Variants in AIRE observed in about 807,000 individuals in gnomAD.
AIRE encodes the protein autoimmune regulator.
In AIRE, 52 loss-of-function variants were observed where a neutral mutation model predicts 62.1. The observed-to-expected ratio is 0.84, with a 90% confidence interval of 0.67 to 1.06. AIRE has a LOEUF of 1.06. Ranked by LOEUF, AIRE falls within the 50% of genes least tolerant of loss-of-function variation. The probability of loss-of-function intolerance (pLI) is 0.00; values close to 1 mark genes in which losing one functional copy is unlikely to be tolerated. For missense variants in AIRE, 774 were observed against 755.8 expected (o/e 1.02, Z -0.28); for synonymous variants, 342 against 321.6 (o/e 1.06, Z -0.68).
Position 44,296,384 on chromosome 21 carries a change from A to T in AIRE, c.1505A>T (p.Asp502Val), listed in dbSNP as rs1444691231. ...CCTCTTCTCTTTACTGGGTTCCAGGATGACACTGCCAGTCACGAGCCCGCT... is the reference window on the plus strand; with the variant it reads ...CCTCTTCTCTTTACTGGGTTCCAGGTTGACACTGCCAGTCACGAGCCCGCT... ...PARLAPGPAK[D>V]DTASHEPALH... The change falls in exon 13 of 14, where the codon GAT becomes GTT. Residue 502 changes from aspartate (D) to valine (V), a missense_variant and splice_region_variant. By Grantham distance (152) the Asp-to-Val change is radical (BLOSUM62 -3). Transcript: ENST00000291582. 5 of 1,611,984 alleles carry T rather than the reference A, an allele frequency of 3.1e-6. No individual in the cohort carries two copies. Among genetic ancestry groups the T allele is most frequent in the African/African-American group, 1.3e-5 (1 of 74,742 alleles).
chr21:44,291,209 A>C lies in AIRE; in HGVS notation c.994A>C (p.Ser332Arg), dbSNP rs766901260. 3.1e-6 allele frequency: 5 copies of C among 1,600,254 alleles called. No individual in the cohort carries two copies. The South Asian group carries it at 5.5e-5, about 18-fold the overall frequency. Residue 332 changes from serine to arginine, a missense_variant and splice_region_variant, in exon 8 of 14, where the codon AGT becomes CGT. This residue lies in a region of AIRE where 35 missense variants were observed against 63.7 expected (regional missense o/e 0.55). Transcript: ENST00000291582. ...CLSPPLREIPSGTWRCSSCLQ... is the reference protein window; with the variant it reads ...CLSPPLREIPRGTWRCSSCLQ... Reference sequence around the variant, plus strand: ...GTCCCCTCCGCTCCGGGAGATCCCCAGGTGAGCCTGCACCTCTGCCAGCGC... The same window carrying C: ...GTCCCCTCCGCTCCGGGAGATCCCCCGGTGAGCCTGCACCTCTGCCAGCGC...
chr21:44,293,647 G>A (rs2040568712), intron 10 of AIRE, 142 bp from the exon 11 acceptor site: 7 of 1,370,216 alleles, frequency 5.1e-6, no homozygotes, highest in Middle Eastern at 5.0e-4. Context: ...CAGCCTGCGT[G>A]GCACCGTGAG....
chr21:44,296,557 C>T (rs1206295769), intron 13 of AIRE, 112 bp downstream of exon 13: 15 of 1,063,818 alleles, frequency 1.4e-5, no homozygotes, highest in Admixed American at 5.5e-5. Flanking sequence ...GCTCTTGAGC[C>T]GTGGAAACTC....
rs780248375 is a variant in AIRE at position 44,297,665 on chromosome 21, G to C, written c.1576G>C (p.Asp526His). 6.2e-7 allele frequency: 1 copy of C among 1,612,128 alleles called. No individual in the cohort carries two copies. Among genetic ancestry groups the C allele is most frequent in the Non-Finnish European group, 8.5e-7 (1 of 1,179,748 alleles). ...TCACTCTGTCCCGCAGCACACCTTC[G>C]ATGGCATCCTGCAGTGGGCCATCCA... is the stretch of plus-strand genomic sequence containing the variant. ...LESLLSEHTF[D>H]GILQWAIQSM... The change falls in exon 14 of 14, where the codon GAT (aspartate) becomes CAT (histidine). Residue 526 changes from aspartate (D) to histidine (H), a missense_variant. Asp to His is a moderately conservative substitution (Grantham distance 81). Coordinates refer to ENST00000291582, the MANE Select transcript of AIRE (RefSeq NM_000383.4). This position sits in a 1 kb window ranked among gnomAD's most constrained non-coding sequence, Gnocchi z 4.8.
rs376060412 is a variant in AIRE at position 44,297,588 on chromosome 21, G to C, written c.1567-68G>C. 2.1e-6 allele frequency: 3 copies of C among 1,400,692 alleles called. No homozygotes were observed. The Admixed American group carries it at 5.1e-5, about 24-fold the overall frequency. 86.8% of individuals were successfully genotyped at this position (1,400,692 alleles called of 1,614,324 possible). A position where few individuals can be genotyped will look rare whatever the true frequency, so the allele number is the denominator to read the frequency against. On this transcript the variant is annotated intron_variant, in intron 13 of 13. Transcript: ENST00000291582. The surrounding 1 kb of genome is among the most constrained non-coding windows in gnomAD (Gnocchi z 4.8). Reference sequence around the variant, plus strand: ...AGGTTGGATGGTGACTTCTTGTAACGATGGCCATGATTCTGTGGCTGCGGC... The same window carrying C: ...AGGTTGGATGGTGACTTCTTGTAACCATGGCCATGATTCTGTGGCTGCGGC...
intron 9 of AIRE, 73 bp downstream of exon 9, chr21:44,292,474 A>G: frequency 1.0e-6 from 1 of 976,402 alleles, no homozygotes; most frequent in South Asian, 1.4e-5. Flanking sequence ...AGGCTGGGCC[A>G]CCCCCTCCTG....
intron 10 of AIRE, among the ~76,000 whole-genome samples, chr21:44,293,580 C>T (rs533467189): frequency 6.6e-6 from 1 of 152,248 alleles, no homozygotes; most frequent in Admixed American, 6.5e-5. Flanking sequence ...AGGCAGCAGC[C>T]TGAGGGTGCT....
chr21:44,293,057 G>T lies in AIRE; in HGVS notation c.1160G>T (p.Gly387Val), dbSNP rs1467200153. 2 of 1,612,342 alleles carry T rather than the reference G, an allele frequency of 1.2e-6. No homozygotes were observed. Among genetic ancestry groups the T allele is most frequent in the South Asian group, 1.1e-5 (1 of 91,078 alleles). ...VRGPPGEPLAGMDTTLVYKHL... is the reference protein window; with the variant it reads ...VRGPPGEPLAVMDTTLVYKHL... ...GGTCCACCTGGGGAACCCCTAGCCG[G>T]CATGGACACGACTCTTGTCTACAAG... The change falls in exon 10 of 14, where the codon GGC becomes GTC. Residue 387 changes from glycine to valine, a missense_variant. Around this residue, in one of 3 missense-constraint regions of AIRE, gnomAD observed 354 missense variants for 296.1 expected, o/e 1.20. Transcript: ENST00000291582.
In AIRE at chr21:44,293,902, C is replaced by A. The variant is rs759575621; in HGVS notation, c.1392C>A (p.Ser464=). 1.9e-6 allele frequency: 3 copies of A among 1,596,562 alleles called. No individual in the cohort carries two copies. The African/African-American group carries it at 4.0e-5, about 21-fold the overall frequency. Residue 464 remains serine (S), a synonymous_variant, in exon 11 of 14, where the codon TCC becomes TCA. Coordinates refer to ENST00000291582, the MANE Select transcript of AIRE (RefSeq NM_000383.4). The part of the protein sequence containing the change: ...HWRCHFPAGT[S]RPGTGLRCRS... Reference sequence around the variant, plus strand: ...GCTGCCACTTCCCAGCCGGCACCTCCCGGCCCGGGTGAGTGAGCGTGGTCG... The same window carrying A: ...GCTGCCACTTCCCAGCCGGCACCTCACGGCCCGGGTGAGTGAGCGTGGTCG...
At chr21:44,291,837 C>T (rs183262838) in intron 8 of AIRE, among the ~76,000 whole-genome samples, 2 of 152,202 alleles carry the variant, frequency 1.3e-5, no homozygotes, top group Admixed American at 6.5e-5. Flanking sequence ...ATCAGGCCCC[C>T]TCTCAGCCTT....
rs2040496230 is a variant in AIRE at position 44,287,588 on chromosome 21, A to G, written c.535A>G (p.Asn179Asp). Residue 179 changes from asparagine to aspartate, a missense_variant, in exon 4 of 14, where the codon AAC (asparagine) becomes GAC (aspartate). By Grantham distance (23) the Asn-to-Asp change is conservative (BLOSUM62 1). This residue lies in a region of AIRE where 385 missense variants were observed against 396.0 expected (regional missense o/e 0.97). Coordinates refer to ENST00000291582, the MANE Select transcript of AIRE (RefSeq NM_000383.4). This position sits in a 1 kb window ranked among gnomAD's most constrained non-coding sequence, Gnocchi z 4.3. ...AGAGCAGCAGCGCCTTCCACTCGGGAACGGTGAGCGGGGCCCAGTGGGAGC... is the reference window on the plus strand; with the variant it reads ...AGAGCAGCAGCGCCTTCCACTCGGGGACGGTGAGCGGGGCCCAGTGGGAGC... ...SAEQQRLPLG[N>D]GIQTMSASVQ... 6.4e-7 allele frequency: 1 copy of G among 1,554,636 alleles called. No homozygotes were observed. Among genetic ancestry groups the G allele is most frequent in the Non-Finnish European group, 8.7e-7 (1 of 1,149,144 alleles).
At chr21:44,292,859 C>CCCTCCGCCCCCACCATGCCAGG in intron 9 of AIRE, 134 bp from the exon 10 acceptor site, 1 of 732,600 alleles carries the variant, frequency 1.4e-6, no homozygotes, top group Non-Finnish European at 2.4e-6. Flanking sequence ...ACCATGCCAG[C>CCCTCCGCCCCCACCATGCCAGG]CCTCCGCCCC....
chr21:44,293,243 A>G, intron 10 of AIRE, 68 bp downstream of exon 10: 2 of 1,299,066 alleles, frequency 1.5e-6, no homozygotes, highest in South Asian at 2.9e-5. Flanking sequence ...GGATGAATTC[A>G]CCTGAAACAG....
rs1280876073 is a variant in AIRE, at chr21:44,289,792, G to C, written c.788G>C (p.Gly263Ala). 6.2e-7 allele frequency: 1 copy of C among 1,612,672 alleles called. No individual in the cohort carries two copies. Among genetic ancestry groups the C allele is most frequent in the East Asian group, 2.2e-5 (1 of 44,884 alleles). ...CTGGTTCGAGCCAAGGGAGCCCAGG[G>C]CGCTGCCCCCGTAAGCACCTGACCT... ...KPLVRAKGAQ[G>A]AAPGGGEARL... The change falls in exon 6 of 14, where the codon GGC (glycine) becomes GCC (alanine). Residue 263 changes from glycine (G) to alanine (A), a missense_variant. Physicochemically the swap from Gly to Ala is moderately conservative, Grantham distance 60. Transcript: ENST00000291582.
chr21:44,292,241 T>G, intron 8 of AIRE, 61 bp from the exon 9 acceptor site: 1 of 1,388,296 alleles, frequency 7.2e-7, no homozygotes, highest in East Asian at 2.5e-5. Context: ...ACCCGTGGGT[T>G]TGGGGATCTG....
Position 44,286,418 on chromosome 21 carries a change from A to C in AIRE, c.133-139A>C. ...CTACACCACCACCTGACTCCACCAC[A>C]AGCCGAGGAGATGGGCGTGGAGCTG... On this transcript the variant is annotated intron_variant, in intron 1 of 13. Coordinates refer to ENST00000291582, the MANE Select transcript of AIRE (RefSeq NM_000383.4). The surrounding 1 kb of genome is among the most constrained non-coding windows in gnomAD (Gnocchi z 6.0). 1.0e-6 allele frequency: 1 copy of C among 978,412 alleles called. No individual in the cohort carries two copies. 60.6% of individuals were successfully genotyped at this position (978,412 alleles called of 1,614,324 possible).
At position 44,286,546 on chromosome 21, in the gene AIRE, C is replaced by A. The variant is rs372109674; in HGVS notation, c.133-11C>A. The A allele has an allele frequency of 5.9e-5, 94 of 1,604,814 alleles. No individual in the cohort carries two copies. In the African/African-American group the frequency reaches 1.0e-3, roughly 17 times the overall value. On this transcript the variant is annotated splice_polypyrimidine_tract_variant and intron_variant, in intron 1 of 13. Coordinates refer to ENST00000291582, the MANE Select transcript of AIRE (RefSeq NM_000383.4). The surrounding 1 kb of genome is among the most constrained non-coding windows in gnomAD (Gnocchi z 6.0). ...GACCATGGCAGGGACCCTCATGCCA[C>A]CCCACTGCAGGAGACGCTTCATCTG...
At chr21:44,290,826 C>T in intron 7 of AIRE, 1 of 1,561,806 alleles carries the variant, frequency 6.4e-7, no homozygotes, top group East Asian at 2.5e-5. Context: ...GTGTACAGTT[C>T]CGGGGCCCCT....
chr21:44,296,701 G>A (rs1274809357), intron 13 of AIRE, among the ~76,000 whole-genome samples: 8 of 135,858 alleles, frequency 5.9e-5, no homozygotes, highest in Admixed American at 3.8e-4. Flanking sequence ...GCTGCTGAGC[G>A]CCCCCAGCCC....
Sources: allele counts gnomAD v4.1 joint callset (sites outside exome capture counted in the v4.1 genomes callset), GRCh38; gene constraint gnomAD v4.1.1; regional missense constraint gnomAD v4.1.1; non-coding constraint Gnocchi (gnomAD v3.1); transcripts MANE v1.5; gene names NCBI Gene and HGNC (gene_info 2026-07-23, HGNC 2026-07-21).